The following KATNIP variants were observed in gnomAD, a reference collection of about 807,000 sequenced individuals.
KATNIP encodes katanin interacting protein.
In KATNIP, 126 loss-of-function variants were observed where a neutral mutation model predicts 174.0. That is an observed-to-expected ratio of 0.72 (90% CI 0.63 to 0.84). The LOEUF (loss-of-function observed/expected upper bound fraction) is 0.84. KATNIP is among the 40% of genes least tolerant of loss of function. The probability of loss-of-function intolerance (pLI) is 0.00; values close to 1 mark genes in which losing one functional copy is unlikely to be tolerated. For synonymous variants in KATNIP, 810 were observed against 835.7 expected (o/e 0.97, Z 0.53); for missense variants, 1,958 against 2,109.7 (o/e 0.93, Z 1.41).
chr16:27,749,978 G>T lies in KATNIP; in HGVS notation c.3018G>T (p.Val1006=). 6.2e-7 allele frequency: 1 copy of T among 1,614,212 alleles called. No homozygotes were observed. The highest frequency in any genetic ancestry group is 8.5e-7 in the Non-Finnish European group (1 of 1,180,038). The change falls in exon 16 of 28, where the codon GTG becomes GTT. Residue 1006 remains valine, a synonymous_variant. Transcript: ENST00000261588. ...TATTCAGTTCCAAGGGTGAACCGGT[G>T]CAGATTTCAAACATAAAAGCAGACC... The part of the protein sequence containing the change: ...IEIFSSKGEP[V]QISNIKADPP...
At chr16:27,565,394 AG>A (rs1457382728) in intron 1 of KATNIP, among the ~76,000 whole-genome samples, 1 of 150,322 alleles carries the variant, frequency 6.7e-6, no homozygotes. Context: ...TGAACCTCGG[AG>A]GCAGAGGTTG....
chr16:27,593,974 A>G (rs2141882462), intron 2 of KATNIP, among the ~76,000 whole-genome samples: 1 of 152,256 alleles, frequency 6.6e-6, no homozygotes, highest in Admixed American at 6.5e-5. Flanking sequence ...GGGCAGTGAC[A>G]TCCAGAATCC....
At chr16:27,592,539 G>T (rs903888667) in intron 2 of KATNIP, among the ~76,000 whole-genome samples, 4 of 152,042 alleles carry the variant, frequency 2.6e-5, no homozygotes, top group African/African-American at 9.7e-5. Flanking sequence ...GATCACTTGA[G>T]CCCAGGATGT....
Position 27,677,821 on chromosome 16 carries a change from A to G in KATNIP, c.633A>G (p.Ile211Met), listed in dbSNP as rs199598274. The G allele has an allele frequency of 4.3e-6, 7 of 1,614,136 alleles. No individual in the cohort carries two copies. The highest frequency in any genetic ancestry group is 5.1e-6 in the Non-Finnish European group (6 of 1,180,034). The part of the protein sequence containing the change: ...SDEYDSIEED[I>M]LSEPEPEDPA... The stretch of plus-strand genomic sequence containing the variant: ...AGTATGACTCTATTGAGGAAGACAT[A>G]CTCTCTGAGCCTGAGCCAGAGGACC... Residue 211 changes from isoleucine to methionine, a missense_variant, in exon 7 of 28, where the codon ATA (isoleucine) becomes ATG (methionine). By Grantham distance (10) the Ile-to-Met change is conservative. Coordinates refer to ENST00000261588, the MANE Select transcript of KATNIP (RefSeq NM_015202.5).
At chr16:27,756,690 G>T (rs1298918030) in intron 18 of KATNIP, among the ~76,000 whole-genome samples, 1 of 152,060 alleles carries the variant, frequency 6.6e-6, no homozygotes, top group Non-Finnish European at 1.5e-5. Flanking sequence ...CCCCTAAGTT[G>T]GTCAGGATTT....
intron 15 of KATNIP, among the ~76,000 whole-genome samples, chr16:27,741,761 G>C (rs1197005073): frequency 1.3e-5 from 2 of 152,150 alleles, no homozygotes; most frequent in Admixed American, 1.3e-4. Flanking sequence ...AAATTAGCCA[G>C]GCATGTGGTG....
In KATNIP at chr16:27,754,443, T is replaced by C. The variant is rs530667057; in HGVS notation, c.3631+192T>C. ...GCTCCCTGGCCCTAGCAGGGCCACC[T>C]CACTCCAGAGGAGGGGCATCTCTTA... On this transcript the variant is annotated intron_variant, in intron 18 of 27. Coordinates refer to ENST00000261588, the MANE Select transcript of KATNIP (RefSeq NM_015202.5). 441 of 587,066 alleles carry C rather than the reference T, an allele frequency of 7.5e-4. 3 individuals are homozygous for C. In the African/African-American group the frequency reaches 7.6e-3, roughly 10 times the overall value. 36.4% of individuals were successfully genotyped at this position (587,066 alleles called of 1,614,324 possible). A position where few individuals can be genotyped will look rare whatever the true frequency, so the allele number is the denominator to read the frequency against.
In KATNIP at chr16:27,573,963, GTGTCC is replaced by G. The variant is rs1371500933; in HGVS notation, c.63+8_63+12del. ...CTCACGAGAGAAAAAGGAGGTAAAT[GTGTCC>G]CTGGCGAGGGCTGATGGGAGGCAAC... On this transcript the variant is annotated splice_region_variant and intron_variant, in intron 2 of 27. Transcript: ENST00000261588. The G allele has an allele frequency of 1.9e-5, 30 of 1,613,826 alleles. No homozygotes were observed. The highest frequency in any genetic ancestry group is 2.5e-5 in the Non-Finnish European group (29 of 1,179,856).
At position 27,776,996 on chromosome 16, in the gene KATNIP, G is replaced by T. The variant is rs750384923; in HGVS notation, c.4518G>T (p.Ala1506=). The change falls in exon 25 of 28, where the codon GCG becomes GCT. Residue 1506 remains alanine (A), a synonymous_variant. Coordinates refer to ENST00000261588, the MANE Select transcript of KATNIP (RefSeq NM_015202.5). This position sits in a 1 kb window ranked among gnomAD's most constrained non-coding sequence, Gnocchi z 4.7. The part of the protein sequence containing the change: ...TVSMIKLWNY[A]KTPHRGVKEF... ...CAATGATCAAACTGTGGAATTATGC[G>T]AAAACACCCCATCGAGGGGTGAAGG... The T allele has an allele frequency of 1.1e-5, 17 of 1,613,502 alleles. No homozygotes were observed. Among genetic ancestry groups the T allele is most frequent in the Middle Eastern group, 3.3e-4 (2 of 6,082 alleles).
rs373778250 is a variant in KATNIP, at chr16:27,751,857, C to T, written c.3485C>T (p.Pro1162Leu). Residue 1162 changes from proline (P) to leucine (L), a missense_variant, in exon 17 of 28, where the codon CCC (proline) becomes CTC (leucine). By Grantham distance (98) the Pro-to-Leu change is moderately conservative (BLOSUM62 -3). Around this residue, in one of 3 missense-constraint regions of KATNIP, gnomAD observed 1,557 missense variants for 1,617.8 expected, o/e 0.96. Transcript: ENST00000261588. ...SLQDEEAMRR[P>L]STADGEGDER... ...CAGGATGAAGAGGCAATGAGGAGGC[C>T]CAGCACGGCCGACGGCGAGGGGGAT... 6.2e-7 allele frequency: 1 copy of T among 1,614,034 alleles called. No individual in the cohort carries two copies. Among genetic ancestry groups the T allele is most frequent in the Non-Finnish European group, 8.5e-7 (1 of 1,180,012 alleles).
rs954482933 is a variant in KATNIP at position 27,690,398 on chromosome 16, T to C, written c.941-7930T>C. Among the ~76,000 whole-genome samples, 5 of 148,460 alleles carry C rather than the reference T, an allele frequency of 3.4e-5. No homozygotes were observed. In the East Asian group the frequency reaches 1.0e-3, roughly 30 times the overall value. On this transcript the variant is annotated intron_variant, in intron 8 of 27. Coordinates refer to ENST00000261588, the MANE Select transcript of KATNIP (RefSeq NM_015202.5). The stretch of plus-strand genomic sequence containing the variant: ...ATAGATAGATAGATAGAAAAATAAA[T>C]AAAAATAAAATGAAAGCCACCAGGC...
chr16:27,632,515 GT>G, intron 5 of KATNIP: 2 of 432,984 alleles, frequency 4.6e-6, no homozygotes, highest in Non-Finnish European at 9.6e-6. Flanking sequence ...GAGGGTGGAG[GT>G]TTTGGCCTTC....
At chr16:27,650,304 A>G (rs1252201720) in intron 6 of KATNIP, among the ~76,000 whole-genome samples, 2 of 152,052 alleles carry the variant, frequency 1.3e-5, no homozygotes, top group East Asian at 1.9e-4. Context: ...AACAAGGGGG[A>G]TAAAGAATGA....
chr16:27,690,363 T>TAGATAGATAGATAGATAGATGATAGATA lies in KATNIP; in HGVS notation c.941-7965_941-7964insAGATAGATAGATAGATAGATGATAGATA, dbSNP rs397837255. ...ATAGATAGATAGATAGATAGATAGA[T>TAGATAGATAGATAGATAGATGATAGATA]GATAGATAGATAGATAGATAGATAG... On this transcript the variant is annotated intron_variant, in intron 8 of 27. Transcript: ENST00000261588. 5.9e-4 allele frequency among the ~76,000 whole-genome samples: 54 copies of TAGATAGATAGATAGATAGATGATAGATA among 91,034 alleles called. 1 individual carries two copies. The highest frequency in any genetic ancestry group is 2.7e-3 in the East Asian group (10 of 3,696). 59.7% of individuals were successfully genotyped at this position (91,034 alleles called of 152,430 possible).
intron 20 of KATNIP, among the ~76,000 whole-genome samples, chr16:27,766,745 A>G (rs1031670434): frequency 6.6e-6 from 1 of 152,146 alleles, no homozygotes; most frequent in African/African-American, 2.4e-5. Flanking sequence ...CCAGCTTGCC[A>G]TGGTCAGTTT....
chr16:27,592,110 C>G (rs141141926), intron 2 of KATNIP, among the ~76,000 whole-genome samples: 18 of 152,182 alleles, frequency 1.2e-4, no homozygotes, highest in Non-Finnish European at 2.4e-4. Flanking sequence ...TGACATGCCA[C>G]CCTTCCAGGG....
At chr16:27,713,801 T>TATATAC (rs1567336600) in intron 13 of KATNIP, among the ~76,000 whole-genome samples, 7 of 76,302 alleles carry the variant, frequency 9.2e-5, no homozygotes, top group African/African-American at 4.1e-4. Context: ...TGTGTGTGTG[T>TATATAC]GTATATACAT....
At chr16:27,700,940 A>T (rs1305503703) in intron 10 of KATNIP, among the ~76,000 whole-genome samples, 13 of 152,150 alleles carry the variant, frequency 8.5e-5, no homozygotes, top group Admixed American at 8.5e-4. Context: ...TTTCTGAATG[A>T]CCTAATTCCT....
chr16:27,749,449 C>A, intron 15 of KATNIP, 135 bp from the exon 16 acceptor site: 1 of 1,055,204 alleles, frequency 9.5e-7, no homozygotes, highest in Non-Finnish European at 1.4e-6. Flanking sequence ...GGGAACAACC[C>A]CGCTGGTTTC....
Sources: gnomAD v4.1 joint callset for allele counts (sites outside exome capture counted in the v4.1 genomes callset) on GRCh38, gnomAD v4.1.1 for gene constraint, gnomAD v4.1.1 regional missense constraint, Gnocchi (gnomAD v3.1) non-coding constraint, MANE v1.5 for transcripts, NCBI Gene and HGNC (gene_info 2026-07-23, HGNC 2026-07-21) for gene names.